Variants in COLEC12 observed in about 807,000 individuals in gnomAD.
COLEC12 encodes collectin-12.
COLEC12 carries 33 observed loss-of-function variants against 71.1 expected under a neutral mutation model. That is an observed-to-expected ratio of 0.46 (90% CI 0.35 to 0.62). COLEC12 has a LOEUF of 0.62. COLEC12 is among the 20% of genes least tolerant of loss of function. COLEC12 has a pLI of 0.00. For missense variants in COLEC12, 765 were observed against 916.1 expected (o/e 0.84, Z 2.13); for synonymous variants, 350 against 353.0 (o/e 0.99, Z 0.10).
intron 8 of COLEC12, among the ~76,000 whole-genome samples, chr18:323,155 G>A (rs567008235): frequency 6.6e-6 from 1 of 152,278 alleles, no homozygotes; most frequent in South Asian, 2.1e-4. Context: ...AATCCAGGAG[G>A]TGGAGGTTTG....
rs1850609922 is a variant in COLEC12 at position 399,051 on chromosome 18, T to A, written c.59-41529A>T. On this transcript the variant is annotated intron_variant, in intron 2 of 9. Coordinates refer to ENST00000400256, the MANE Select transcript of COLEC12 (RefSeq NM_130386.3). This position sits in a 1 kb window ranked among gnomAD's most constrained non-coding sequence, Gnocchi z 4.0. ...TTGTTACCCATGTAATACAACAGAG[T>A]AGGTCCAAATAGTGCAAAGCATTTT... Among the ~76,000 whole-genome samples the A allele has an allele frequency of 6.6e-6, 1 of 152,174 alleles. No individual in the cohort carries two copies. Among genetic ancestry groups the A allele is most frequent in the Admixed American group, 6.5e-5 (1 of 15,280 alleles).
Position 500,450 on chromosome 18 carries a change from G to A in COLEC12, c.7+58C>T, listed in dbSNP as rs1917800748. 6 of 916,950 alleles carry A rather than the reference G, an allele frequency of 6.5e-6. No homozygotes were observed. Among genetic ancestry groups the A allele is most frequent in the South Asian group, 9.7e-5 (2 of 20,578 alleles). The allele number at this position is 916,950 out of a possible 1,614,324, so 56.8% of individuals were successfully genotyped here. A position where few individuals can be genotyped will look rare whatever the true frequency, so the allele number is the denominator to read the frequency against. ...GCGGGAGGCACCTCCGTGGCCTCCC[G>A]CGCGCCCCGAAGCCCGTTCCCCCCG... On this transcript the variant is annotated intron_variant, in intron 1 of 9. Coordinates refer to ENST00000400256, the MANE Select transcript of COLEC12 (RefSeq NM_130386.3). This position sits in a 1 kb window ranked among gnomAD's most constrained non-coding sequence, Gnocchi z 5.3.
chr18:463,101 G>A (rs1293943679), intron 2 of COLEC12, among the ~76,000 whole-genome samples: 2 of 152,136 alleles, frequency 1.3e-5, no homozygotes, highest in African/African-American at 4.8e-5. Context: ...ACTTGATCCT[G>A]CCATTCCCAC....
intron 2 of COLEC12, among the ~76,000 whole-genome samples, chr18:447,150 T>C (rs1375779040): frequency 6.6e-6 from 1 of 152,242 alleles, no homozygotes; most frequent in Non-Finnish European, 1.5e-5. Flanking sequence ...ACTATGCAGA[T>C]GACACATACA....
At chr18:487,446 C>T (rs1194484402) in intron 1 of COLEC12, among the ~76,000 whole-genome samples, 2 of 152,082 alleles carry the variant, frequency 1.3e-5, no homozygotes, top group East Asian at 1.9e-4. Flanking sequence ...GAATTGTACA[C>T]GTTAAGTGGA....
chr18:344,132 TA>T (rs11362279), intron 5 of COLEC12, among the ~76,000 whole-genome samples: 7,982 of 152,266 alleles, frequency 0.052, 206 homozygotes, highest in Middle Eastern at 0.11. Flanking sequence ...AATTTTTTTT[TA>T]AATCATTTGA....
At position 499,917 on chromosome 18, in the gene COLEC12, G is replaced by C. The variant is rs372550464; in HGVS notation, c.7+591C>G. ...ACGTGGAAGGGACGCGGAACCGAGG[G>C]CAACTATTTTCCAGTCGGTGAATCT... On this transcript the variant is annotated intron_variant, in intron 1 of 9. Coordinates refer to ENST00000400256, the MANE Select transcript of COLEC12 (RefSeq NM_130386.3). 2.1e-4 allele frequency among the ~76,000 whole-genome samples: 32 copies of C among 152,232 alleles called. No homozygotes were observed. The East Asian group carries it at 2.1e-3, about 10-fold the overall frequency.
intron 2 of COLEC12, among the ~76,000 whole-genome samples, chr18:389,530 G>A (rs566440014): frequency 1.8e-4 from 27 of 151,070 alleles, no homozygotes; most frequent in Admixed American, 1.2e-3. Flanking sequence ...CGCCCACCTC[G>A]GCCTCCCAAA....
chr18:384,676 G>A (rs79240532), intron 2 of COLEC12, among the ~76,000 whole-genome samples: 7,964 of 152,246 alleles, frequency 0.052, 293 homozygotes, highest in East Asian at 0.18. Context: ...GAAGGAGGTC[G>A]GCACAAGACA....
At chr18:409,638 G>A (rs1915855492) in intron 2 of COLEC12, among the ~76,000 whole-genome samples, 1 of 152,196 alleles carries the variant, frequency 6.6e-6, no homozygotes, top group Non-Finnish European at 1.5e-5. Context: ...TTGAAAATCA[G>A]TCTCTTATAT....
intron 1 of COLEC12, among the ~76,000 whole-genome samples, chr18:492,731 C>G (rs749873115): frequency 1.3e-5 from 2 of 151,952 alleles, no homozygotes. Context: ...AAAATAACAC[C>G]GATACGTCTT....
At chr18:391,601 A>G (rs1915465535) in intron 2 of COLEC12, among the ~76,000 whole-genome samples, 1 of 152,150 alleles carries the variant, frequency 6.6e-6, no homozygotes, top group Non-Finnish European at 1.5e-5. Flanking sequence ...CTTTTGGGAC[A>G]CTAGTTTATA....
intron 1 of COLEC12, among the ~76,000 whole-genome samples, chr18:498,363 C>CTTTTTTT (rs542727500): frequency 1.8e-4 from 18 of 100,738 alleles, no homozygotes; most frequent in East Asian, 3.3e-4. Context: ...TATTTTTTTT[C>CTTTTTTT]TTTTTTTTTT....
chr18:446,538 TA>T (rs1309408315), intron 2 of COLEC12, among the ~76,000 whole-genome samples: 2 of 115,204 alleles, frequency 1.7e-5, no homozygotes, highest in Admixed American at 9.2e-5. Context: ...CCTATCTCTG[TA>T]AAAAAAAAAA....
At chr18:394,946 A>AC (rs1440838906) in intron 2 of COLEC12, among the ~76,000 whole-genome samples, 9 of 152,156 alleles carry the variant, frequency 5.9e-5, no homozygotes, top group Admixed American at 2.0e-4. Context: ...AACAAAAAAA[A>AC]CACCTGGTAT....
chr18:409,024 C>G (rs117077024), intron 2 of COLEC12, among the ~76,000 whole-genome samples: 133 of 151,796 alleles, frequency 8.8e-4, no homozygotes, highest in Middle Eastern at 6.8e-3. Context: ...TTTGGAGAGA[C>G]AGGATTTCAC....
At chr18:491,655 T>C (rs898449900) in intron 1 of COLEC12, among the ~76,000 whole-genome samples, 1 of 152,238 alleles carries the variant, frequency 6.6e-6, no homozygotes, top group African/African-American at 2.4e-5. Flanking sequence ...AACTCCATTC[T>C]GAGGTGACTA....
At chr18:471,052 C>A (rs1917186056) in intron 2 of COLEC12, among the ~76,000 whole-genome samples, 1 of 152,290 alleles carries the variant, frequency 6.6e-6, no homozygotes, top group African/African-American at 2.4e-5. Context: ...GTTTTCCTGA[C>A]AAGTCTAAAT....
chr18:330,079 TA>T (rs1913937767), intron 8 of COLEC12, among the ~76,000 whole-genome samples: 1 of 152,082 alleles, frequency 6.6e-6, no homozygotes, highest in African/African-American at 2.4e-5. Flanking sequence ...CCTTGTCCCT[TA>T]AAAACAAACA....
Sources: gnomAD v4.1 joint callset for allele counts (sites outside exome capture counted in the v4.1 genomes callset) on GRCh38, gnomAD v4.1.1 for gene constraint, Gnocchi (gnomAD v3.1) non-coding constraint, MANE v1.5 for transcripts, NCBI Gene and HGNC (gene_info 2026-07-23, HGNC 2026-07-21) for gene names.